HIVEP1: variants seen among roughly 807,000 people sequenced by gnomAD.
HIVEP1 encodes the protein zinc finger protein 40.
In HIVEP1, 36 loss-of-function variants were observed where a neutral mutation model predicts 180.0. The observed-to-expected ratio is 0.20, with a 90% CI of 0.15 to 0.26. HIVEP1 has a LOEUF of 0.26. Ranked by LOEUF, HIVEP1 falls within the 10% of genes least tolerant of loss-of-function variation. HIVEP1 has a pLI of 1.00. For synonymous variants in HIVEP1, 1,239 were observed against 1,239.0 expected (o/e 1.00, Z 0.00); for missense variants, 3,143 against 3,268.7 (o/e 0.96, Z 0.94).
At chr6:12,128,487 A>G (rs1758225423) in intron 4 of HIVEP1, among the ~76,000 whole-genome samples, 1 of 152,190 alleles carries the variant, frequency 6.6e-6, no homozygotes, top group Non-Finnish European at 1.5e-5. Flanking sequence ...GGAGGTTTGT[A>G]TAAAAGAAGC....
intron 7 of HIVEP1, among the ~76,000 whole-genome samples, chr6:12,147,835 A>G (rs1581784464): frequency 6.6e-6 from 1 of 152,220 alleles, no homozygotes; most frequent in Admixed American, 6.5e-5. Context: ...TAATTTGGAA[A>G]TAGCGCTATC....
At chr6:12,095,886 C>G (rs898618408) in intron 3 of HIVEP1, among the ~76,000 whole-genome samples, 1 of 151,894 alleles carries the variant, frequency 6.6e-6, no homozygotes, top group Non-Finnish European at 1.5e-5. Flanking sequence ...AGTTGAATTT[C>G]TGGTACAGTT....
intron 2 of HIVEP1, among the ~76,000 whole-genome samples, chr6:12,073,904 C>T (rs917443365): frequency 3.9e-5 from 6 of 152,052 alleles, no homozygotes; most frequent in Non-Finnish European, 5.9e-5. Context: ...TGAGTGCCCC[C>T]GGTTGGCTGG....
At chr6:12,177,810 C>A in the HIVEP1 span, among the ~76,000 whole-genome samples, 1 of 152,066 alleles carries the variant, frequency 6.6e-6, no homozygotes, top group African/African-American at 2.4e-5. Flanking sequence ...ATTTGTATGT[C>A]TCCCGTGTCA....
chr6:12,144,338 T>A (rs1244797660), intron 7 of HIVEP1, among the ~76,000 whole-genome samples: 1 of 152,208 alleles, frequency 6.6e-6, no homozygotes, highest in Non-Finnish European at 1.5e-5. Context: ...TGTAGAAAGC[T>A]GAAACTGGAT....
Position 12,159,378 on chromosome 6 carries a change from AAAG to A in HIVEP1, c.6488-2056_6488-2054del, listed in dbSNP as rs1175952576. 3.3e-5 allele frequency among the ~76,000 whole-genome samples: 5 copies of A among 150,304 alleles called. No homozygotes were observed. In the South Asian group the frequency reaches 8.4e-4, roughly 25 times the overall value. ...GTCTTTTTACAAATTTTACTTCTTT[AAAG>A]AAGATGCGTCTCCAAAAAAAAAAAA... On this transcript the variant is annotated intron_variant, in intron 7 of 8. Transcript: ENST00000379388.
intron 7 of HIVEP1, among the ~76,000 whole-genome samples, chr6:12,153,086 A>T (rs1759803207): frequency 6.6e-6 from 1 of 152,238 alleles, no homozygotes; most frequent in African/African-American, 2.4e-5. Context: ...AATGCAGTAT[A>T]TTTGAAATTT....
At chr6:12,140,037 A>G (rs1758925252) in intron 7 of HIVEP1, among the ~76,000 whole-genome samples, 1 of 152,228 alleles carries the variant, frequency 6.6e-6, no homozygotes, top group Admixed American at 6.5e-5. Flanking sequence ...TGCCTCCTCA[A>G]GTGGGTCCCT....
At chr6:12,156,150 CCTTTGT>C (rs1214758880) in intron 7 of HIVEP1, among the ~76,000 whole-genome samples, 20 of 151,948 alleles carry the variant, frequency 1.3e-4, no homozygotes, top group Admixed American at 1.3e-3. Context: ...GGACATTAGA[CCTTTGT>C]CAGATGGATA....
chr6:12,158,131 A>G (rs1760169855), intron 7 of HIVEP1, among the ~76,000 whole-genome samples: 1 of 152,124 alleles, frequency 6.6e-6, no homozygotes. Context: ...GTCTCTCTGA[A>G]GTATGTTTTT....
intron 3 of HIVEP1, among the ~76,000 whole-genome samples, chr6:12,112,109 C>G (rs931127833): frequency 6.6e-6 from 1 of 152,096 alleles, no homozygotes; most frequent in Non-Finnish European, 1.5e-5. Flanking sequence ...ATTCTCTCAG[C>G]TTTTGTTTTT....
At chr6:12,037,162 C>G (rs1401461315) in intron 2 of HIVEP1, among the ~76,000 whole-genome samples, 2 of 152,060 alleles carry the variant, frequency 1.3e-5, no homozygotes, top group African/African-American at 4.8e-5. Flanking sequence ...AGGCCCGGGT[C>G]TTGGAGTGGG....
chr6:12,069,064 A>AT (rs1452110240), intron 2 of HIVEP1, among the ~76,000 whole-genome samples: 1 of 152,234 alleles, frequency 6.6e-6, no homozygotes, highest in Non-Finnish European at 1.5e-5. Flanking sequence ...AATGGGATAC[A>AT]TTCTGAGAAA....
chr6:12,015,777 G>C, intron 2 of HIVEP1, 109 bp downstream of exon 2: 3 of 850,784 alleles, frequency 3.5e-6, no homozygotes, highest in South Asian at 1.5e-5. Context: ...GCCTGGTGAG[G>C]AGCGCTATTT....
At chr6:12,087,384 A>G (rs570259395) in intron 2 of HIVEP1, among the ~76,000 whole-genome samples, 2 of 152,236 alleles carry the variant, frequency 1.3e-5, no homozygotes, top group African/African-American at 2.4e-5. Flanking sequence ...TTTTGATTAT[A>G]TAATGCAAAA....
intron 3 of HIVEP1, among the ~76,000 whole-genome samples, chr6:12,101,285 A>G (rs1365762856): frequency 3.3e-5 from 5 of 152,050 alleles, no homozygotes; most frequent in Non-Finnish European, 7.4e-5. Context: ...TAGTATAACA[A>G]ATACTCTAAG....
intron 1 of HIVEP1, 55 bp from the exon 2 acceptor site, chr6:12,015,471 T>C (rs1767680761): frequency 1.6e-6 from 1 of 621,948 alleles, no homozygotes; most frequent in Admixed American, 3.1e-5. Context: ...ACTTTTAAAG[T>C]ATCTTTCTCC....
rs534139586 is a variant in HIVEP1, at chr6:12,114,223, T to C, written c.95-5667T>C. Among the ~76,000 whole-genome samples the C allele has an allele frequency of 5.3e-5, 8 of 152,308 alleles. No individual in the cohort carries two copies. In the East Asian group the frequency reaches 1.3e-3, roughly 26 times the overall value. Reference sequence around the variant, plus strand: ...ACTGGTATATGATAGGGTTTTTACCTCCAGAACCCCGCTGACACTGCTTTC... The same window carrying C: ...ACTGGTATATGATAGGGTTTTTACCCCCAGAACCCCGCTGACACTGCTTTC... On this transcript the variant is annotated intron_variant, in intron 3 of 8. Transcript: ENST00000379388.
At chr6:12,203,957 A>T in the HIVEP1 span, among the ~76,000 whole-genome samples, 10 of 152,258 alleles carry the variant, frequency 6.6e-5, no homozygotes, top group African/African-American at 2.4e-4. Context: ...GGCATCTGTA[A>T]TCCCAGCTAC....
Sources: gnomAD v4.1 joint callset for allele counts (sites outside exome capture counted in the v4.1 genomes callset) on GRCh38, gnomAD v4.1.1 for gene constraint, MANE v1.5 for transcripts, NCBI Gene and HGNC (gene_info 2026-07-23, HGNC 2026-07-21) for gene names.